RGS22: variants seen among roughly 807,000 people sequenced by gnomAD.
RGS22 encodes the protein regulator of G-protein signaling 22.
In RGS22, 148 loss-of-function variants were observed where a neutral mutation model predicts 172.9. That is an observed-to-expected ratio of 0.86 (90% CI 0.75 to 0.98). The LOEUF (loss-of-function observed/expected upper bound fraction) is 0.98. RGS22 is among the 50% of genes least tolerant of loss of function. The pLI, the probability that RGS22 is intolerant of heterozygous loss-of-function variation, is 0.00. For synonymous variants in RGS22, 458 were observed against 480.2 expected, an observed-to-expected ratio of 0.95 and a Z score of 0.60; for missense variants, 1,347 against 1,440.8, an observed-to-expected ratio of 0.93 and a Z score of 1.05.
intron 9 of RGS22, among the ~76,000 whole-genome samples, chr8:100,056,738 T>C (rs549272928): frequency 4.4e-4 from 67 of 152,170 alleles, no homozygotes; most frequent in Non-Finnish European, 8.5e-4. Flanking sequence ...TTTCAGAGTA[T>C]GTACGGAAAC....
intron 14 of RGS22, among the ~76,000 whole-genome samples, chr8:100,034,657 A>G (rs1819239737): frequency 6.6e-6 from 1 of 152,214 alleles, no homozygotes; most frequent in South Asian, 2.1e-4. Flanking sequence ...TGCATTTCCA[A>G]GACAATCCTA....
intron 4 of RGS22, among the ~76,000 whole-genome samples, chr8:100,073,730 T>C (rs966223435): frequency 1.3e-5 from 2 of 152,238 alleles, no homozygotes; most frequent in African/African-American, 2.4e-5. Flanking sequence ...TAAAGAATTC[T>C]ATAAGGTTGT....
intron 14 of RGS22, among the ~76,000 whole-genome samples, chr8:100,012,640 G>C (rs1332791168): frequency 6.6e-6 from 1 of 151,708 alleles, no homozygotes; most frequent in Non-Finnish European, 1.5e-5. Flanking sequence ...GAGAGAGAGA[G>C]AGTTTTTGAA....
chr8:99,993,212 G>A (rs954286385), intron 20 of RGS22, among the ~76,000 whole-genome samples: 2 of 151,968 alleles, frequency 1.3e-5, no homozygotes, highest in African/African-American at 4.8e-5. Flanking sequence ...AAGAACTAGA[G>A]AAGCAAGAGC....
In RGS22 at chr8:100,063,933, A is replaced by T; in HGVS notation, c.835T>A (p.Ser279Thr). The change falls in exon 8 of 28, where the codon TCT (serine) becomes ACT (threonine). Residue 279 changes from serine to threonine, a missense_variant. Physicochemically the swap from Ser to Thr is moderately conservative, Grantham distance 58. Transcript: ENST00000360863. ...EEEEGEEEEV[S>T]VSLQDTPSQA... is the part of the protein sequence containing the mutation. ...GAAGGAGTGTCTTGTAGAGATACAGACACCTCTTCTTCTTCTCCTTCTTCT... is the reference window on the plus strand; with the variant it reads ...GAAGGAGTGTCTTGTAGAGATACAGTCACCTCTTCTTCTTCTCCTTCTTCT... 6.3e-7 allele frequency: 1 copy of T among 1,592,858 alleles called. No homozygotes were observed. Among genetic ancestry groups the T allele is most frequent in the Non-Finnish European group, 8.5e-7 (1 of 1,169,804 alleles).
At chr8:100,089,728 C>T (rs1334987743) in intron 3 of RGS22, among the ~76,000 whole-genome samples, 1 of 152,108 alleles carries the variant, frequency 6.6e-6, no homozygotes, top group Non-Finnish European at 1.5e-5. Context: ...GACTACATTT[C>T]TATTAATGAC....
At chr8:99,974,807 A>AT (rs1445163351) in intron 23 of RGS22, among the ~76,000 whole-genome samples, 1 of 151,822 alleles carries the variant, frequency 6.6e-6, no homozygotes, top group East Asian at 1.9e-4. Context: ...AAAAAAAAAA[A>AT]AATGGATATA....
At chr8:99,982,964 C>T (rs138951190) in intron 21 of RGS22, among the ~76,000 whole-genome samples, 46 of 152,236 alleles carry the variant, frequency 3.0e-4, no homozygotes, top group African/African-American at 1.1e-3. Flanking sequence ...CCCCTCACTA[C>T]CTGTTCTAGT....
intron 3 of RGS22, among the ~76,000 whole-genome samples, chr8:100,092,820 T>TGG (rs1313558627): frequency 3.3e-5 from 5 of 152,232 alleles, no homozygotes; most frequent in Non-Finnish European, 7.3e-5. Context: ...ACTGAAACTA[T>TGG]TAATTGGCAT....
intron 9 of RGS22, among the ~76,000 whole-genome samples, chr8:100,056,783 C>T (rs1490257335): frequency 1.3e-5 from 2 of 152,152 alleles, no homozygotes; most frequent in Non-Finnish European, 1.5e-5. Flanking sequence ...GCTGCAGGGG[C>T]GGGGCACTCA....
intron 18 of RGS22, among the ~76,000 whole-genome samples, chr8:100,001,107 TATG>T (rs1456788501): frequency 6.6e-6 from 1 of 150,704 alleles, no homozygotes; most frequent in African/African-American, 2.4e-5. Flanking sequence ...CTAAATAAAT[TATG>T]ATAATTATTT....
intron 4 of RGS22, among the ~76,000 whole-genome samples, chr8:100,077,808 G>T (rs1361102927): frequency 6.6e-6 from 1 of 152,172 alleles, no homozygotes; most frequent in African/African-American, 2.4e-5. Context: ...GTTACTGAGA[G>T]AGCAGTGCTT....
At chr8:100,070,922 T>G (rs1810923813) in intron 6 of RGS22, among the ~76,000 whole-genome samples, 1 of 150,890 alleles carries the variant, frequency 6.6e-6, no homozygotes. Context: ...CTATAAGAAG[T>G]ATTGCTAAAT....
chr8:100,050,509 T>C (rs74386771), intron 10 of RGS22, among the ~76,000 whole-genome samples: 3 of 152,320 alleles, frequency 2.0e-5, no homozygotes, highest in African/African-American at 7.2e-5. Context: ...AACCACATTA[T>C]ATATCTTCTG....
intron 3 of RGS22, among the ~76,000 whole-genome samples, chr8:100,090,570 A>T (rs946421223): frequency 1.2e-4 from 19 of 152,196 alleles, no homozygotes; most frequent in Admixed American, 5.9e-4. Context: ...CTTGAAAACT[A>T]ATTTCACAGA....
intron 14 of RGS22, among the ~76,000 whole-genome samples, chr8:100,019,715 T>C (rs554368664): frequency 1.3e-5 from 2 of 152,278 alleles, no homozygotes; most frequent in Admixed American, 1.3e-4. Context: ...AAGTCCCTTT[T>C]TTTTAGACCC....
intron 3 of RGS22, among the ~76,000 whole-genome samples, chr8:100,083,952 G>A (rs771934802): frequency 6.6e-6 from 1 of 150,820 alleles, no homozygotes; most frequent in Non-Finnish European, 1.5e-5. Flanking sequence ...CGAGTTCAAG[G>A]GATTCTCCTG....
Position 100,008,431 on chromosome 8 carries a change from G to A in RGS22, c.2305C>T (p.Leu769Phe). 6.2e-7 allele frequency: 1 copy of A among 1,613,344 alleles called. No individual in the cohort carries two copies. The highest frequency in any genetic ancestry group is 8.5e-7 in the Non-Finnish European group (1 of 1,179,878). ...ATCTTTGTCCATGGCTCAAGAAGGAGGAGAAGGATATATTCCTCTGCTGTG... is the reference window on the plus strand; with the variant it reads ...ATCTTTGTCCATGGCTCAAGAAGGAAGAGAAGGATATATTCCTCTGCTGTG... Reference protein sequence around the residue: ...FDTAEEYILLLLLEPWTKMVK... With the variant: ...FDTAEEYILLFLLEPWTKMVK... Residue 769 changes from leucine (L) to phenylalanine (F), a missense_variant, in exon 15 of 28, where the codon CTC (leucine) becomes TTC (phenylalanine). Transcript: ENST00000360863.
At position 100,053,843 on chromosome 8, in the gene RGS22, C is replaced by T. The variant is rs531054434; in HGVS notation, c.1515-867G>A. 2.4e-3 allele frequency among the ~76,000 whole-genome samples: 362 copies of T among 152,146 alleles called. 2 individuals carry two copies. The highest frequency in any genetic ancestry group is 0.017 in the Middle Eastern group (5 of 292). On this transcript the variant is annotated intron_variant, in intron 9 of 27. Coordinates refer to ENST00000360863, the MANE Select transcript of RGS22 (RefSeq NM_015668.5). ...GTAGAGACAGGTTTCACCATGTTAG[C>T]CAGGATGGTCTTGATCTCCAGACCT... is the stretch of plus-strand genomic sequence containing the variant.
Sources: gnomAD v4.1 joint callset for allele counts (sites outside exome capture counted in the v4.1 genomes callset) on GRCh38, gnomAD v4.1.1 for gene constraint, MANE v1.5 for transcripts, NCBI Gene and HGNC (gene_info 2026-07-23, HGNC 2026-07-21) for gene names.